Variants in RANBP17 observed in about 807,000 individuals in gnomAD.
RANBP17 encodes the protein RAN binding protein 17, also known as ran-binding protein 17.
A neutral mutation model predicts 141.2 loss-of-function variants in RANBP17; 158 were observed. That is an observed-to-expected ratio of 1.12 (90% CI 0.98 to 1.28). The LOEUF (loss-of-function observed/expected upper bound fraction) is 1.28. RANBP17 is among the 50% of genes most tolerant of loss of function. The pLI, the probability that RANBP17 is intolerant of heterozygous loss-of-function variation, is 0.00. For missense variants in RANBP17, 1,438 were observed against 1,290.7 expected, an observed-to-expected ratio of 1.11 and a Z score of -1.75; for synonymous variants, 430 against 450.0, an observed-to-expected ratio of 0.96 and a Z score of 0.56.
chr5:170,891,351 A>AT (rs755830763), intron 3 of RANBP17, among the ~76,000 whole-genome samples: 7 of 152,328 alleles, frequency 4.6e-5, no homozygotes, highest in African/African-American at 7.2e-5. Context: ...CTTGTGAGTT[A>AT]TTGTAAAGTG....
intron 16 of RANBP17, among the ~76,000 whole-genome samples, chr5:171,173,966 C>T (rs1386303635): frequency 6.6e-6 from 1 of 152,166 alleles, no homozygotes; most frequent in Non-Finnish European, 1.5e-5. Flanking sequence ...ACTAGACTTA[C>T]AGTTTTAGAG....
intron 14 of RANBP17, among the ~76,000 whole-genome samples, chr5:171,011,843 A>T (rs1431011575): frequency 6.6e-6 from 1 of 151,564 alleles, no homozygotes; most frequent in African/African-American, 2.4e-5. Context: ...ATATAACTTT[A>T]AAAAAAATAT....
chr5:170,919,747 A>T, intron 11 of RANBP17, 134 bp downstream of exon 11: 1 of 590,714 alleles, frequency 1.7e-6, no homozygotes, highest in Non-Finnish European at 2.8e-6. Flanking sequence ...ACAATTGTAT[A>T]ACTACCATCA....
At chr5:170,955,641 G>T (rs1301274697) in intron 13 of RANBP17, among the ~76,000 whole-genome samples, 12 of 18,632 alleles carry the variant, frequency 6.4e-4, no homozygotes, top group African/African-American at 8.5e-4. Context: ...ATATATATAT[G>T]CTCAGTGTAT....
chr5:171,053,163 A>G (rs923984681), intron 14 of RANBP17, among the ~76,000 whole-genome samples: 5 of 151,178 alleles, frequency 3.3e-5, no homozygotes, highest in Admixed American at 2.0e-4. Context: ...TCTTTCAACA[A>G]TGCCTTAGAA....
chr5:170,980,017 C>G lies in RANBP17; in HGVS notation c.1710+11640C>G, dbSNP rs551451363. ...CTGATAATTATATGGACAGTGAAAT[C>G]CAGGCTGATGTGATCTCAGATGGAG... On this transcript the variant is annotated intron_variant, in intron 14 of 27. Transcript: ENST00000523189. Among the ~76,000 whole-genome samples the G allele has an allele frequency of 9.2e-5, 14 of 152,244 alleles. No individual in the cohort carries two copies. The South Asian group carries it at 2.9e-3, about 32-fold the overall frequency.
chr5:171,164,708 T>G (rs1286840419), intron 14 of RANBP17, among the ~76,000 whole-genome samples: 1 of 152,230 alleles, frequency 6.6e-6, no homozygotes, highest in Non-Finnish European at 1.5e-5. Flanking sequence ...TCACTTTCCA[T>G]ATTTCAGGAG....
intron 16 of RANBP17, among the ~76,000 whole-genome samples, chr5:171,175,090 G>A (rs1026036342): frequency 1.3e-5 from 2 of 152,008 alleles, no homozygotes; most frequent in South Asian, 4.1e-4. Flanking sequence ...GAGAATGATG[G>A]TTTCCTGCTT....
intron 1 of RANBP17, among the ~76,000 whole-genome samples, chr5:170,871,351 C>T (rs887838560): frequency 6.6e-6 from 1 of 152,120 alleles, no homozygotes; most frequent in Non-Finnish European, 1.5e-5. Flanking sequence ...CTGGCCACTA[C>T]ATTTGCCCAC....
chr5:171,204,490 G>A (rs1183301609), intron 19 of RANBP17, among the ~76,000 whole-genome samples: 1 of 152,060 alleles, frequency 6.6e-6, no homozygotes, highest in Non-Finnish European at 1.5e-5. Flanking sequence ...AGAAAATCTG[G>A]TAGAAAAAAA....
chr5:171,147,092 T>A (rs1758070265), intron 14 of RANBP17, among the ~76,000 whole-genome samples: 1 of 152,132 alleles, frequency 6.6e-6, no homozygotes, highest in Non-Finnish European at 1.5e-5. Context: ...TGTCACAATT[T>A]GGGAGAGGGG....
chr5:171,231,240 C>T (rs560701906), intron 22 of RANBP17, among the ~76,000 whole-genome samples: 8 of 151,916 alleles, frequency 5.3e-5, no homozygotes, highest in African/African-American at 1.4e-4. Flanking sequence ...TGAGCCACCA[C>T]GCCTGGCCAG....
At chr5:170,938,746 C>G (rs189431854) in intron 12 of RANBP17, among the ~76,000 whole-genome samples, 12 of 151,574 alleles carry the variant, frequency 7.9e-5, no homozygotes, top group African/African-American at 2.7e-4. Flanking sequence ...GCAGTTAGAA[C>G]TGAAGAAATT....
At chr5:171,040,350 G>C (rs1782176162) in intron 14 of RANBP17, among the ~76,000 whole-genome samples, 1 of 152,110 alleles carries the variant, frequency 6.6e-6, no homozygotes, top group South Asian at 2.1e-4. Context: ...GTCAGAGCCA[G>C]GGACTTTCTT....
At chr5:170,936,123 C>T (rs531182927) in intron 12 of RANBP17, among the ~76,000 whole-genome samples, 16 of 152,256 alleles carry the variant, frequency 1.1e-4, no homozygotes, top group Middle Eastern at 3.4e-3. Context: ...CCTGGTGTGC[C>T]GTCTGCTAAG....
At chr5:170,911,491 C>G in intron 7 of RANBP17, 1 of 704,966 alleles carries the variant, frequency 1.4e-6, no homozygotes, top group East Asian at 2.6e-5. Flanking sequence ...CTGGTCAAAC[C>G]TTTAAATCTT....
chr5:171,258,105 TA>T (rs1214285797), intron 24 of RANBP17, among the ~76,000 whole-genome samples: 1,454 of 119,002 alleles, frequency 0.012, 20 homozygotes, highest in African/African-American at 0.036. Context: ...AAACTCCATC[TA>T]AAAAAAAAAA....
chr5:171,159,342 A>G (rs1384088497), intron 14 of RANBP17, among the ~76,000 whole-genome samples: 1 of 152,198 alleles, frequency 6.6e-6, no homozygotes, highest in African/African-American at 2.4e-5. Flanking sequence ...CAAGGAAAAG[A>G]CTCATTTCTT....
chr5:171,284,750 C>T (rs1435002291), intron 25 of RANBP17: 1 of 152,226 alleles, frequency 6.6e-6, no homozygotes. Context: ...CCATTTCTGT[C>T]TGTCTCTGCT....
Sources: allele counts gnomAD v4.1 joint callset (sites outside exome capture counted in the v4.1 genomes callset), GRCh38; gene constraint gnomAD v4.1.1; transcripts MANE v1.5; gene names NCBI Gene and HGNC (gene_info 2026-07-23, HGNC 2026-07-21).